The following SLC45A4 variants were observed in gnomAD, a reference collection of about 807,000 sequenced individuals.
The protein encoded by SLC45A4 is solute carrier family 45 member 4, also known as polyamine-transporter SLC45A4.
Under a neutral mutation model 63.7 loss-of-function variants are expected in SLC45A4, and 32 were observed. The observed-to-expected ratio is 0.50, with a 90% CI of 0.38 to 0.67. The LOEUF (loss-of-function observed/expected upper bound fraction) is 0.67, where lower values mean the gene tolerates loss of function less well. Ranked by LOEUF, SLC45A4 falls within the 30% of genes least tolerant of loss-of-function variation. The pLI is 0.00. For missense variants in SLC45A4, 1,027 were observed against 1,157.7 expected (o/e 0.89, Z 1.64); for synonymous variants, 535 against 510.0 (o/e 1.05, Z -0.66).
In SLC45A4 at chr8:141,215,765, G is replaced by A. The variant is rs779078676; in HGVS notation, c.1935C>T (p.Ile645=). 1 of 1,613,290 alleles carries A rather than the reference G, an allele frequency of 6.2e-7. No homozygotes were observed. The highest frequency in any genetic ancestry group is 8.5e-7 in the Non-Finnish European group (1 of 1,179,994). ...PYALLGQYHD[I]KQYIHHSPGN... ...AGGGCTACGGTGGACGCACCTGCTT[G>A]ATGTCATGGTACTGGCCCAGCAGGG... The change falls in exon 7 of 9, where the codon ATC becomes ATT. Residue 645 remains isoleucine, a synonymous_variant. Transcript: ENST00000517878. The surrounding 1 kb of genome is among the most constrained non-coding windows in gnomAD (Gnocchi z 4.3).
At chr8:141,219,268 G>A (rs945366859) in intron 4 of SLC45A4, among the ~76,000 whole-genome samples, 5 of 152,254 alleles carry the variant, frequency 3.3e-5, no homozygotes, top group East Asian at 1.9e-4. Flanking sequence ...ACCCCAGGAC[G>A]GATGCAAGTG....
intron 1 of SLC45A4, among the ~76,000 whole-genome samples, chr8:141,296,741 C>T (rs1390257147): frequency 4.2e-5 from 6 of 142,858 alleles, no homozygotes; most frequent in Admixed American, 3.8e-4. Flanking sequence ...GAGGCTGAGG[C>T]AGGAGAATCG....
chr8:141,219,923 G>A, intron 3 of SLC45A4, 94 bp from the exon 4 acceptor site: 4 of 1,237,278 alleles, frequency 3.2e-6, no homozygotes, highest in Non-Finnish European at 4.4e-6. Flanking sequence ...CATGCGGAGG[G>A]GGCACGGCCA....
At position 141,254,283 on chromosome 8, in the gene SLC45A4, T is replaced by C. The variant is rs1828666698; in HGVS notation, c.-54A>G. On this transcript the variant is annotated 5_prime_UTR_variant, in exon 2 of 9. Coordinates refer to ENST00000517878, the MANE Select transcript of SLC45A4 (RefSeq NM_001286646.2). The surrounding 1 kb of genome is among the most constrained non-coding windows in gnomAD (Gnocchi z 4.5). ...TATATTCTATCTATATAAATAATGCTTTCATATATCTGTAATGATAAATTA... is the reference window on the plus strand; with the variant it reads ...TATATTCTATCTATATAAATAATGCCTTCATATATCTGTAATGATAAATTA... 7.0e-7 allele frequency: 1 copy of C among 1,429,164 alleles called. No homozygotes were observed. Among genetic ancestry groups the C allele is most frequent in the South Asian group, 1.4e-5 (1 of 70,428 alleles). 88.5% of individuals were successfully genotyped at this position (1,429,164 alleles called of 1,614,324 possible). A position where few individuals can be genotyped will look rare whatever the true frequency, so the allele number is the denominator to read the frequency against.
chr8:141,212,023 G>A (rs1435153183), intron 8 of SLC45A4, 174 bp downstream of exon 8: 20 of 1,328,222 alleles, frequency 1.5e-5, no homozygotes, highest in Non-Finnish European at 1.7e-5. Flanking sequence ...CCTACCCTAC[G>A]ACTACTGAAT....
chr8:141,262,925 T>G (rs1563656459), intron 1 of SLC45A4, among the ~76,000 whole-genome samples: 1 of 151,562 alleles, frequency 6.6e-6, no homozygotes, highest in Non-Finnish European at 1.5e-5. Context: ...ATATGTTTAT[T>G]GCAGCACTAT....
intron 2 of SLC45A4, chr8:141,228,476 TGGGCACCTGTCTTCACTGGC>T (rs908421140): frequency 1.5e-6 from 2 of 1,357,062 alleles, no homozygotes; most frequent in African/African-American, 2.9e-5. Flanking sequence ...GTCCAGCTTG[TGGGCACCTGTCTTCACTGGC>T]AGGCACCTGT....
intron 2 of SLC45A4, chr8:141,228,073 C>G: frequency 7.3e-7 from 1 of 1,364,556 alleles, no homozygotes; most frequent in Admixed American, 1.7e-5. Context: ...GAGGGGAGAG[C>G]TGTGTGGAGT....
intron 2 of SLC45A4, among the ~76,000 whole-genome samples, chr8:141,251,420 G>A (rs556301644): frequency 3.3e-5 from 5 of 151,860 alleles, no homozygotes; most frequent in African/African-American, 1.2e-4. Context: ...CTCGCTGGTC[G>A]GGTCACTTTC....
rs138814982 is a variant in SLC45A4, at chr8:141,227,470, C to A, written c.242-5705G>T. ...TGTGCTGGGACCAAATGCCACAGTGCGGCGAAACTCGTGAGCACAAGTCCT... is the reference window on the plus strand; with the variant it reads ...TGTGCTGGGACCAAATGCCACAGTGAGGCGAAACTCGTGAGCACAAGTCCT... On this transcript the variant is annotated intron_variant, in intron 2 of 8. Transcript: ENST00000517878. The surrounding 1 kb of genome is among the most constrained non-coding windows in gnomAD (Gnocchi z 4.4). Among the ~76,000 whole-genome samples, 1 of 152,194 alleles carries A rather than the reference C, an allele frequency of 6.6e-6. No homozygotes were observed. Among genetic ancestry groups the A allele is most frequent in the East Asian group, 1.9e-4 (1 of 5,190 alleles).
chr8:141,274,726 C>T (rs28608203), intron 1 of SLC45A4, among the ~76,000 whole-genome samples: 20,883 of 152,150 alleles, frequency 0.14, 1,835 homozygotes, highest in East Asian at 0.32. Flanking sequence ...TCAGCCATCT[C>T]GAGGGACAGA....
chr8:141,269,741 G>A (rs978103653), intron 1 of SLC45A4, among the ~76,000 whole-genome samples: 1 of 152,000 alleles, frequency 6.6e-6, no homozygotes, highest in Non-Finnish European at 1.5e-5. Context: ...GGATCTATAT[G>A]TGTCTGTATG....
chr8:141,222,605 G>A (rs4961257), intron 2 of SLC45A4, among the ~76,000 whole-genome samples: 48,406 of 152,106 alleles, frequency 0.32, 7,887 homozygotes, highest in South Asian at 0.42. Flanking sequence ...ACAGAAACCC[G>A]CGTGTCCATC....
At position 141,212,409 on chromosome 8, in the gene SLC45A4, T is replaced by G. The variant is rs770111752; in HGVS notation, c.2089A>C (p.Met697Leu). The G allele has an allele frequency of 6.2e-7, 1 of 1,613,632 alleles. No individual in the cohort carries two copies. The highest frequency in any genetic ancestry group is 1.3e-5 in the African/African-American group (1 of 74,904). ...DAVGTVRVIP[M>L]VASVGSFLGF... is the part of the protein sequence containing the mutation. ...AGGAAAGAGCCCACAGAGGCCACCA[T>G]GGGGATGACGCGGACAGTCCCCACG... Residue 697 changes from methionine to leucine, a missense_variant, in exon 8 of 9, where the codon ATG (methionine) becomes CTG (leucine). Met to Leu is a conservative substitution (Grantham distance 15, BLOSUM62 2). Coordinates refer to ENST00000517878, the MANE Select transcript of SLC45A4 (RefSeq NM_001286646.2).
intron 8 of SLC45A4, 103 bp from the exon 9 acceptor site, chr8:141,211,800 C>T (rs1174022745): frequency 1.5e-6 from 2 of 1,350,682 alleles, no homozygotes; most frequent in Non-Finnish European, 1.9e-6. Flanking sequence ...ATTTTGTTTT[C>T]AATTATAATT....
rs1418397718 is a variant in SLC45A4 at position 141,210,663 on chromosome 8, T to C, written c.*909A>G. ...ACTGCTTTAGTTTCATCTTGAAATA[T>C]ATATACGTGTATATATATATTTGCT... On this transcript the variant is annotated 3_prime_UTR_variant, in exon 9 of 9. Transcript: ENST00000517878. 1.3e-5 allele frequency: 2 copies of C among 152,262 alleles called. No individual in the cohort carries two copies. Among genetic ancestry groups the C allele is most frequent in the Non-Finnish European group, 2.9e-5 (2 of 68,054 alleles). The allele number at this position is 152,262 out of a possible 1,614,324, so 9.4% of individuals were successfully genotyped here.
chr8:141,269,924 G>A (rs1440401898), intron 1 of SLC45A4, among the ~76,000 whole-genome samples: 1 of 152,106 alleles, frequency 6.6e-6, no homozygotes, highest in Non-Finnish European at 1.5e-5. Context: ...CCCCACAGCA[G>A]AGGCAGCCCA....
Position 141,215,934 on chromosome 8 carries a change from C to G in SLC45A4, c.1766G>C (p.Ser589Thr), listed in dbSNP as rs1459029689. 1.2e-6 allele frequency: 2 copies of G among 1,613,902 alleles called. No individual in the cohort carries two copies. The highest frequency in any genetic ancestry group is 2.7e-5 in the African/African-American group (2 of 74,910). ...CCCCAGCACGTAGATCACCCTGACG[C>G]TCAGGTCGTAGTTGTCCAAGTACTT... ...LQKYLDNYDLSVRVIYVLGTL... is the reference protein window; with the variant it reads ...LQKYLDNYDLTVRVIYVLGTL... The change falls in exon 7 of 9, where the codon AGC becomes ACC. Residue 589 changes from serine (S) to threonine (T), a missense_variant. Ser to Thr is a moderately conservative substitution (Grantham distance 58). Transcript: ENST00000517878. This position sits in a 1 kb window ranked among gnomAD's most constrained non-coding sequence, Gnocchi z 4.3.
In SLC45A4 at chr8:141,254,751, G is replaced by C. The variant is rs1473260334; in HGVS notation, c.-400-122C>G. 1.5e-6 allele frequency: 1 copy of C among 679,114 alleles called. No homozygotes were observed. Among genetic ancestry groups the C allele is most frequent in the East Asian group, 2.8e-5 (1 of 35,738 alleles). The allele number at this position is 679,114 out of a possible 1,614,324, so 42.1% of individuals were successfully genotyped here. ...CGAGGGCCCGACCCAAGATCACACAGCTCTCTGCCACTCACTCTGGGTACG... is the reference window on the plus strand; with the variant it reads ...CGAGGGCCCGACCCAAGATCACACACCTCTCTGCCACTCACTCTGGGTACG... On this transcript the variant is annotated intron_variant, in intron 1 of 8. Coordinates refer to ENST00000517878, the MANE Select transcript of SLC45A4 (RefSeq NM_001286646.2). This position sits in a 1 kb window ranked among gnomAD's most constrained non-coding sequence, Gnocchi z 4.5.
Sources: gnomAD v4.1 joint callset for allele counts (sites outside exome capture counted in the v4.1 genomes callset) on GRCh38, gnomAD v4.1.1 for gene constraint, Gnocchi (gnomAD v3.1) non-coding constraint, MANE v1.5 for transcripts, NCBI Gene and HGNC (gene_info 2026-07-23, HGNC 2026-07-21) for gene names.